Variants in CCDC7 observed in about 807,000 individuals in gnomAD.
CCDC7 encodes the protein coiled-coil domain containing 7.
Under a neutral mutation model 196.9 loss-of-function variants are expected in CCDC7, and 183 were observed. The observed-to-expected ratio is 0.93, with a 90% confidence interval of 0.82 to 1.05. CCDC7 has a LOEUF of 1.05. Ranked by LOEUF, CCDC7 falls within the 50% of genes least tolerant of loss-of-function variation. The pLI is 0.00. For synonymous variants in CCDC7, 525 were observed against 484.6 expected (o/e 1.08, Z -1.10); for missense variants, 1,540 against 1,482.2 (o/e 1.04, Z -0.64).
intron 21 of CCDC7, among the ~76,000 whole-genome samples, chr10:32,668,246 C>T (rs1218765644): frequency 2.0e-5 from 3 of 151,982 alleles, no homozygotes; most frequent in Admixed American, 6.6e-5. Flanking sequence ...CTGAAGTTGC[C>T]TATCAGCTTA....
chr10:32,527,692 C>T (rs1044079507), intron 11 of CCDC7, among the ~76,000 whole-genome samples: 11 of 151,904 alleles, frequency 7.2e-5, no homozygotes, highest in African/African-American at 2.2e-4. Context: ...TGCAGATGTG[C>T]GAAGGAGAAC....
At chr10:32,831,013 G>A (rs1181213059) in intron 32 of CCDC7, among the ~76,000 whole-genome samples, 7 of 152,106 alleles carry the variant, frequency 4.6e-5, no homozygotes, top group Admixed American at 1.3e-4. Flanking sequence ...CAAATGCATC[G>A]TTGGGTGACT....
intron 30 of CCDC7, among the ~76,000 whole-genome samples, chr10:32,811,456 A>G (rs2087088944): frequency 6.6e-6 from 1 of 152,072 alleles, no homozygotes; most frequent in African/African-American, 2.4e-5. Flanking sequence ...AAGAAGAAAT[A>G]GAAAATCTGG....
At chr10:32,511,364 T>G in intron 9 of CCDC7, 1 of 1,608,338 alleles carries the variant, frequency 6.2e-7, no homozygotes, top group Non-Finnish European at 8.5e-7. Flanking sequence ...ATTTTTCGGT[T>G]TTGGTTCCCA....
chr10:32,481,653 A>C (rs2039985418), intron 8 of CCDC7: 1 of 152,162 alleles, frequency 6.6e-6, no homozygotes, highest in Non-Finnish European at 1.5e-5. Flanking sequence ...GTTACTACTT[A>C]GTGTCCTTTC....
At chr10:32,716,436 G>T (rs1484090898) in intron 25 of CCDC7, among the ~76,000 whole-genome samples, 1 of 152,186 alleles carries the variant, frequency 6.6e-6, no homozygotes, top group East Asian at 1.9e-4. Context: ...AGCAGCCACT[G>T]CAAAAACATA....
chr10:32,837,287 A>G (rs909497095), intron 33 of CCDC7, among the ~76,000 whole-genome samples: 2 of 152,116 alleles, frequency 1.3e-5, no homozygotes, highest in African/African-American at 4.8e-5. Flanking sequence ...CACTTCTCAA[A>G]AGAAGACATT....
At chr10:32,703,041 A>G (rs558044264) in intron 24 of CCDC7, among the ~76,000 whole-genome samples, 1 of 152,244 alleles carries the variant, frequency 6.6e-6, no homozygotes, top group East Asian at 1.9e-4. Flanking sequence ...GTTATGTGTG[A>G]ATTTGATCCT....
At chr10:32,841,248 C>A (rs2092952407) in intron 33 of CCDC7, among the ~76,000 whole-genome samples, 1 of 151,876 alleles carries the variant, frequency 6.6e-6, no homozygotes, top group Non-Finnish European at 1.5e-5. Context: ...ACCTAGGAAG[C>A]ACTAAAGACT....
chr10:32,738,988 G>T (rs531037640), intron 28 of CCDC7, among the ~76,000 whole-genome samples: 16 of 151,888 alleles, frequency 1.1e-4, no homozygotes, highest in African/African-American at 3.9e-4. Context: ...GGTTCTAGTT[G>T]GTTGTATTTT....
At chr10:32,744,136 A>AT (rs1555089892) in intron 28 of CCDC7, among the ~76,000 whole-genome samples, 11 of 138,456 alleles carry the variant, frequency 7.9e-5, no homozygotes, top group South Asian at 2.7e-4. Flanking sequence ...TTAAAGTATA[A>AT]TTTAAAAAAA....
At chr10:32,843,059 CA>C (rs1226498687) in intron 33 of CCDC7, among the ~76,000 whole-genome samples, 1 of 151,808 alleles carries the variant, frequency 6.6e-6, no homozygotes, top group Non-Finnish European at 1.5e-5. Flanking sequence ...TGAAACCAAA[CA>C]CCACCTGTTC....
intron 3 of CCDC7, 122 bp downstream of exon 4, chr10:32,456,456 T>C: frequency 1.3e-6 from 1 of 772,086 alleles, no homozygotes; most frequent in Non-Finnish European, 1.8e-6. Flanking sequence ...AAATTATAAA[T>C]GGCATTGGAA....
intron 8 of CCDC7, among the ~76,000 whole-genome samples, chr10:32,484,561 T>C (rs540861968): frequency 1.6e-4 from 24 of 152,232 alleles, no homozygotes; most frequent in African/African-American, 5.1e-4. Flanking sequence ...GGGAGGGCAT[T>C]GCTGTCTTGT....
At chr10:32,651,496 G>A (rs1255117944) in intron 20 of CCDC7, among the ~76,000 whole-genome samples, 2 of 152,136 alleles carry the variant, frequency 1.3e-5, no homozygotes, top group Non-Finnish European at 2.9e-5. Flanking sequence ...TAAAGAAAAA[G>A]GAAAGAAACA....
intron 18 of CCDC7, among the ~76,000 whole-genome samples, chr10:32,592,770 G>A (rs1437370181): frequency 1.3e-5 from 2 of 152,158 alleles, no homozygotes; most frequent in East Asian, 1.9e-4. Context: ...TCATTGTTCA[G>A]TTCCCACCTG....
intron 21 of CCDC7, among the ~76,000 whole-genome samples, chr10:32,681,911 G>T (rs1254367913): frequency 6.6e-6 from 1 of 151,726 alleles, no homozygotes; most frequent in African/African-American, 2.4e-5. Context: ...TTTCTCAGAG[G>T]TTGTTCTTGT....
intron 29 of CCDC7, among the ~76,000 whole-genome samples, chr10:32,782,384 T>C (rs1055575192): frequency 2.6e-5 from 4 of 152,176 alleles, no homozygotes; most frequent in African/African-American, 9.7e-5. Flanking sequence ...CATGCCACCA[T>C]GCTCCGCTAA....
At chr10:32,532,360 A>G (rs1181865568) in intron 11 of CCDC7, among the ~76,000 whole-genome samples, 2 of 151,998 alleles carry the variant, frequency 1.3e-5, no homozygotes, top group Admixed American at 6.6e-5. Context: ...CCTTTTGTTA[A>G]TTGATTTATA....
Sources: allele counts gnomAD v4.1 joint callset (sites outside exome capture counted in the v4.1 genomes callset), GRCh38; gene constraint gnomAD v4.1.1; transcripts MANE v1.5; gene names NCBI Gene and HGNC (gene_info 2026-07-23, HGNC 2026-07-21).